The following TTLL3 variants were observed in gnomAD, a reference collection of about 807,000 sequenced individuals.
TTLL3 encodes tubulin tyrosine ligase like 3.
TTLL3 carries 63 observed loss-of-function variants against 75.2 expected under a neutral mutation model. The observed-to-expected ratio is 0.84, with a 90% CI of 0.68 to 1.03. TTLL3 has a LOEUF of 1.03. Among genes scored for constraint, TTLL3 ranks in the 50% least tolerant of loss-of-function variants. TTLL3 has a pLI of 0.00. For missense variants in TTLL3, 997 were observed against 1,069.9 expected (o/e 0.93, Z 0.95); for synonymous variants, 393 against 418.5 (o/e 0.94, Z 0.74).
Position 9,834,711 on chromosome 3 carries a change from A to G in TTLL3, c.1856A>G (p.Lys619Arg). The G allele has an allele frequency of 6.2e-7, 1 of 1,614,090 alleles. No individual in the cohort carries two copies. Among genetic ancestry groups the G allele is most frequent in the Non-Finnish European group, 8.5e-7 (1 of 1,180,014 alleles). Reference protein sequence around the residue: ...ARHHFPSLHTKAQLPSPHVLR... With the variant: ...ARHHFPSLHTRAQLPSPHVLR... ...CACCACTTCCCCAGCCTCCACACCA[A>G]GGCCCAGCTGCCTTCTCCCCATGTA... is the stretch of plus-strand genomic sequence containing the variant. Residue 619 changes from lysine to arginine, a missense_variant, in exon 13 of 14, where the codon AAG (lysine) becomes AGG (arginine). Coordinates refer to ENST00000685419, the MANE Select transcript of TTLL3 (RefSeq NM_001387446.1).
chr3:9,820,367 G>C (rs780046594), intron 7 of TTLL3, 179 bp from the exon 8 acceptor site: 101 of 1,470,214 alleles, frequency 6.9e-5, no homozygotes, highest in Non-Finnish European at 8.5e-5. Flanking sequence ...AAGTGCTAGA[G>C]TTGCAGTGAA....
chr3:9,829,275 C>T lies in TTLL3; in HGVS notation c.1563C>T (p.Pro521=), dbSNP rs1227776824. The T allele has an allele frequency of 1.2e-6, 2 of 1,614,174 alleles. No individual in the cohort carries two copies. The highest frequency in any genetic ancestry group is 2.2e-5 in the South Asian group (2 of 91,088). ...TCAACGCCAGCCCCACGATGGCACC[C>T]TCCACAGCAGTCACTGCCCGGCTCT... ...IEINASPTMA[P]STAVTARLCA... The change falls in exon 11 of 14, where the codon CCC becomes CCT. Residue 521 remains proline (P), a synonymous_variant. Coordinates refer to ENST00000685419, the MANE Select transcript of TTLL3 (RefSeq NM_001387446.1).
intron 13 of TTLL3, 21 bp downstream of exon 13, chr3:9,834,928 C>G (rs376293925): frequency 8.7e-6 from 14 of 1,614,046 alleles, no homozygotes; most frequent in Non-Finnish European, 1.2e-5. Flanking sequence ...ACCTGTGACT[C>G]ACACCCAGTG....
At position 9,835,108 on chromosome 3, in the gene TTLL3, G is replaced by A. The variant is rs976270045; in HGVS notation, c.2067G>A (p.Leu689=). ...TTCACACCGAGGCTCCTGCTCTCCT[G>A]TGCCTCCGAGGCCCCCAGCTGGAAG... ...ILKPRKAPAL[L]CLRGPQLEVP... The change falls in exon 14 of 14, where the codon CTG becomes CTA. Residue 689 remains leucine, a synonymous_variant. Transcript: ENST00000685419. 4.3e-6 allele frequency: 7 copies of A among 1,610,626 alleles called. No homozygotes were observed. The highest frequency in any genetic ancestry group is 4.5e-5 in the East Asian group (2 of 44,832).
chr3:9,814,441 T>C (rs1575357777), intron 4 of TTLL3, among the ~76,000 whole-genome samples: 1 of 150,768 alleles, frequency 6.6e-6, no homozygotes, highest in African/African-American at 2.4e-5. Flanking sequence ...AGGTCAGGAG[T>C]TCAAGACCAA....
Position 9,810,655 on chromosome 3 carries a change from G to A in TTLL3, c.-7G>A, listed in dbSNP as rs1444368051. The A allele has an allele frequency of 3.8e-6, 6 of 1,582,032 alleles. No homozygotes were observed. The East Asian group carries it at 6.8e-5, about 18-fold the overall frequency. ...TCCTCTGGCGAGGATCCTCCAAGGC[G>A]TCTCACATGAACCGGCTCAGAAACG... On this transcript the variant is annotated 5_prime_UTR_variant, in exon 2 of 14. Transcript: ENST00000685419. The surrounding 1 kb of genome is among the most constrained non-coding windows in gnomAD (Gnocchi z 4.4).
In TTLL3 at chr3:9,829,222, G is replaced by A; in HGVS notation, c.1510G>A (p.Glu504Lys). 6.2e-7 allele frequency: 1 copy of A among 1,614,210 alleles called. No individual in the cohort carries two copies. Among genetic ancestry groups the A allele is most frequent in the Non-Finnish European group, 8.5e-7 (1 of 1,180,032 alleles). ...ELYGADFVFG[E>K]DFQPWLIEIN... is the part of the protein sequence containing the mutation. ...CTATGGCGCTGACTTCGTGTTCGGGGAGGACTTCCAGCCCTGGCTGATTGA... is the reference window on the plus strand; with the variant it reads ...CTATGGCGCTGACTTCGTGTTCGGGAAGGACTTCCAGCCCTGGCTGATTGA... The change falls in exon 11 of 14, where the codon GAG becomes AAG. Residue 504 changes from glutamate (E) to lysine (K), a missense_variant. Coordinates refer to ENST00000685419, the MANE Select transcript of TTLL3 (RefSeq NM_001387446.1).
Position 9,816,203 on chromosome 3 carries a change from GT to G in TTLL3, c.444+2del, listed in dbSNP as rs762506150. 1 of 1,350,616 alleles carries G rather than the reference GT, an allele frequency of 7.4e-7. No individual in the cohort carries two copies. Among genetic ancestry groups the G allele is most frequent in the African/African-American group, 1.5e-5 (1 of 67,628 alleles). The allele number at this position is 1,350,616 out of a possible 1,614,324, so 83.7% of individuals were successfully genotyped here. On this transcript the variant is annotated splice_donor_variant, in intron 5 of 13. Coordinates refer to ENST00000685419, the MANE Select transcript of TTLL3 (RefSeq NM_001387446.1). LOFTEE classifies it high-confidence loss of function. ...CCGGGCTGGCTCCTTTACCACAAAGGTGGGCTCCCTAGAGGAGCAGGCAGGG... is the reference window on the plus strand; with the variant it reads ...CCGGGCTGGCTCCTTTACCACAAAGGGGGCTCCCTAGAGGAGCAGGCAGGG...
Position 9,835,780 on chromosome 3 carries a change from G to A in TTLL3, c.*291G>A, listed in dbSNP as rs567385887. On this transcript the variant is annotated 3_prime_UTR_variant, in exon 14 of 14. Transcript: ENST00000685419. ...AATGACACCTACCGGGCATAGGAAC[G>A]TTAATGCCATGAGACAGGGGAAGGA... The A allele has an allele frequency of 4.0e-4, 155 of 383,816 alleles. No individual in the cohort carries two copies. Among genetic ancestry groups the A allele is most frequent in the Non-Finnish European group, 5.1e-4 (109 of 214,894 alleles). 23.8% of individuals were successfully genotyped at this position (383,816 alleles called of 1,614,324 possible).
chr3:9,819,456 G>C, intron 7 of TTLL3: 1 of 988,204 alleles, frequency 1.0e-6, no homozygotes, highest in Non-Finnish European at 1.2e-6. Flanking sequence ...GAGCACCCTG[G>C]AGAGGGCAGA....
rs1275861958 is a variant in TTLL3, at chr3:9,810,272, C to G, written c.-164C>G. ...AGATGCCAGGCGGGCAGCCCCGCCC[C>G]TGCGCGCCGCCTCAGCGGCGCCTTC... On this transcript the variant is annotated 5_prime_UTR_variant, in exon 1 of 14. Coordinates refer to ENST00000685419, the MANE Select transcript of TTLL3 (RefSeq NM_001387446.1). The surrounding 1 kb of genome is among the most constrained non-coding windows in gnomAD (Gnocchi z 4.4). The G allele has an allele frequency of 6.6e-7, 1 of 1,506,932 alleles. No individual in the cohort carries two copies. Among genetic ancestry groups the G allele is most frequent in the African/African-American group, 1.4e-5 (1 of 69,456 alleles). The allele number at this position is 1,506,932 out of a possible 1,614,324, so 93.3% of individuals were successfully genotyped here. A position where few individuals can be genotyped will look rare whatever the true frequency, so the allele number is the denominator to read the frequency against.
intron 2 of TTLL3, among the ~76,000 whole-genome samples, chr3:9,811,974 C>G (rs2079397110): frequency 6.6e-6 from 1 of 152,220 alleles, no homozygotes; most frequent in South Asian, 2.1e-4. Context: ...GGATGTAAAT[C>G]CCTGCTCTTT....
chr3:9,830,810 CTTTTTT>C (rs879759786), intron 11 of TTLL3, among the ~76,000 whole-genome samples: 2 of 149,966 alleles, frequency 1.3e-5, no homozygotes, highest in African/African-American at 4.9e-5. Context: ...CCCCAAATAT[CTTTTTT>C]TTTTGAGACG....
Position 9,826,991 on chromosome 3 carries a change from C to T in TTLL3, c.1004-6C>T, listed in dbSNP as rs1176410342. The T allele has an allele frequency of 6.2e-7, 1 of 1,614,020 alleles. No individual in the cohort carries two copies. Among genetic ancestry groups the T allele is most frequent in the African/African-American group, 1.3e-5 (1 of 74,926 alleles). On this transcript the variant is annotated splice_polypyrimidine_tract_variant and splice_region_variant and intron_variant, in intron 9 of 13. Transcript: ENST00000685419. ...TCCAATCCCTGACTGCCCTCTTCCC[C>T]CGTAGGCATCATGTGCATGGACCAC...
chr3:9,820,820 C>A (rs1435330710), intron 8 of TTLL3, 79 bp downstream of exon 8: 1 of 1,546,024 alleles, frequency 6.5e-7, no homozygotes, highest in African/African-American at 1.4e-5. Context: ...GCAGCCCCTA[C>A]CCCTTCCCCA....
At position 9,836,315 on chromosome 3, in the gene TTLL3, A is replaced by C. The variant is rs1271752220; in HGVS notation, c.*826A>C. The C allele has an allele frequency of 6.6e-6, 1 of 151,748 alleles. No homozygotes were observed. The highest frequency in any genetic ancestry group is 1.5e-5 in the Non-Finnish European group (1 of 67,948). 9.4% of individuals were successfully genotyped at this position (151,748 alleles called of 1,614,324 possible). A position where few individuals can be genotyped will look rare whatever the true frequency, so the allele number is the denominator to read the frequency against. ...AACCCTAAATCAAAAAAAAAAAAAA[A>C]GGTCTTTGCAGATGTAAATAAATTT... On this transcript the variant is annotated 3_prime_UTR_variant, in exon 14 of 14. Transcript: ENST00000685419.
rs907268275 is a variant in TTLL3, at chr3:9,819,832, G to T, written c.659-714G>T. ...TGTCATGCACAAGGAAGGCTTGGTTGTGTGCCAGGATAAGGGGCACAAGGG... is the reference window on the plus strand; with the variant it reads ...TGTCATGCACAAGGAAGGCTTGGTTTTGTGCCAGGATAAGGGGCACAAGGG... On this transcript the variant is annotated intron_variant, in intron 7 of 13. Transcript: ENST00000685419. The T allele has an allele frequency of 2.3e-5, 23 of 985,322 alleles. No individual in the cohort carries two copies. In the Admixed American group the frequency reaches 4.9e-4, roughly 21 times the overall value. The allele number at this position is 985,322 out of a possible 1,614,324, so 61.0% of individuals were successfully genotyped here.
rs1282422062 is a variant in TTLL3, at chr3:9,829,308, C to T, written c.1596C>T (p.Gly532=). ...CAGTCACTGCCCGGCTCTGTGCTGGCGTGCAAGCTGACACCCTGCGCGTGG... is the reference window on the plus strand; with the variant it reads ...CAGTCACTGCCCGGCTCTGTGCTGGTGTGCAAGCTGACACCCTGCGCGTGG... ...STAVTARLCA[G]VQADTLRVVI... The change falls in exon 11 of 14, where the codon GGC becomes GGT. Residue 532 remains glycine, a synonymous_variant. Transcript: ENST00000685419. 1 of 1,613,932 alleles carries T rather than the reference C, an allele frequency of 6.2e-7. No homozygotes were observed. The highest frequency in any genetic ancestry group is 1.1e-5 in the South Asian group (1 of 91,066).
intron 11 of TTLL3, 25 bp from the exon 12 acceptor site, chr3:9,833,079 C>A: frequency 6.2e-7 from 1 of 1,613,686 alleles, no homozygotes; most frequent in Non-Finnish European, 8.5e-7. Context: ...ACTGAGTGGG[C>A]CTTGTCTCCT....
Sources: allele counts gnomAD v4.1 joint callset (sites outside exome capture counted in the v4.1 genomes callset), GRCh38; gene constraint gnomAD v4.1.1; non-coding constraint Gnocchi (gnomAD v3.1); transcripts MANE v1.5; gene names NCBI Gene and HGNC (gene_info 2026-07-23, HGNC 2026-07-21).